PTPRO: variants seen among roughly 807,000 people sequenced by gnomAD.
PTPRO encodes the protein receptor-type tyrosine-protein phosphatase O.
PTPRO carries 62 observed loss-of-function variants against 145.2 expected under a neutral mutation model. That is an observed-to-expected ratio of 0.43 (90% CI 0.35 to 0.53). The LOEUF (loss-of-function observed/expected upper bound fraction) is 0.53, where lower values mean the gene tolerates loss of function less well. PTPRO is among the 20% of genes least tolerant of loss of function. The pLI, the probability that PTPRO is intolerant of heterozygous loss-of-function variation, is 0.01. For synonymous variants in PTPRO, 565 were observed against 514.7 expected (o/e 1.10, Z -1.32); for missense variants, 1,345 against 1,482.7 (o/e 0.91, Z 1.53).
At chr12:15,352,446 C>A (rs1937835647) in intron 1 of PTPRO, among the ~76,000 whole-genome samples, 1 of 152,016 alleles carries the variant, frequency 6.6e-6, no homozygotes, top group Non-Finnish European at 1.5e-5. Flanking sequence ...GTCAGGAGAT[C>A]TAGACCATCT....
At chr12:15,514,108 TCTCA>T (rs1476652066) in intron 7 of PTPRO, among the ~76,000 whole-genome samples, 1 of 152,136 alleles carries the variant, frequency 6.6e-6, no homozygotes, top group Non-Finnish European at 1.5e-5. Context: ...ATCTATACGT[TCTCA>T]CTATTTTTCT....
At chr12:15,544,506 C>CA (rs61249816) in intron 12 of PTPRO, among the ~76,000 whole-genome samples, 989 of 72,488 alleles carry the variant, frequency 0.014, 44 homozygotes, top group African/African-American at 0.039. Context: ...GACTCCATCT[C>CA]AAAAAAAAAA....
intron 1 of PTPRO, among the ~76,000 whole-genome samples, chr12:15,479,163 G>A (rs1052878375): frequency 2.6e-5 from 4 of 152,112 alleles, no homozygotes; most frequent in Non-Finnish European, 4.4e-5. Context: ...GGGGAAGAAG[G>A]CATCTGTTGC....
chr12:15,541,054 G>A (rs1943170564), intron 12 of PTPRO, among the ~76,000 whole-genome samples: 2 of 152,066 alleles, frequency 1.3e-5, no homozygotes, highest in South Asian at 4.1e-4. Context: ...TTATGAAAAT[G>A]GTATGTCTAT....
At chr12:15,387,209 CTCAGTGA>C (rs1254438690) in intron 1 of PTPRO, among the ~76,000 whole-genome samples, 1 of 152,198 alleles carries the variant, frequency 6.6e-6, no homozygotes, top group East Asian at 1.9e-4. Context: ...AATTCATTTA[CTCAGTGA>C]TCAGAATCTC....
chr12:15,444,764 G>A (rs1940859346), intron 1 of PTPRO, among the ~76,000 whole-genome samples: 1 of 152,048 alleles, frequency 6.6e-6, no homozygotes, highest in Non-Finnish European at 1.5e-5. Context: ...AAATCTAATA[G>A]TGCCTTGATC....
chr12:15,418,398 G>A (rs1318387197), intron 1 of PTPRO, among the ~76,000 whole-genome samples: 1 of 151,708 alleles, frequency 6.6e-6, no homozygotes, highest in East Asian at 1.9e-4. Context: ...TGAATGAAGT[G>A]CCTAGCTCAA....
intron 10 of PTPRO, among the ~76,000 whole-genome samples, chr12:15,520,919 G>A (rs1942705115): frequency 6.6e-6 from 1 of 152,036 alleles, no homozygotes; most frequent in Non-Finnish European, 1.5e-5. Context: ...TATTATATAA[G>A]CTACTTTGCA....
intron 1 of PTPRO, among the ~76,000 whole-genome samples, chr12:15,425,733 T>TTTTATATATA (rs71042250): frequency 6.6e-6 from 1 of 151,402 alleles, no homozygotes; most frequent in Non-Finnish European, 1.5e-5. Flanking sequence ...CAAAATAGAT[T>TTTTATATATA]CATGCATTTT....
intron 12 of PTPRO, among the ~76,000 whole-genome samples, chr12:15,535,704 C>T (rs1303812119): frequency 1.3e-5 from 2 of 152,170 alleles, no homozygotes; most frequent in African/African-American, 4.8e-5. Flanking sequence ...GGGGTGTGGC[C>T]TTTTTCCTTC....
chr12:15,492,549 A>T (rs1442513225), intron 2 of PTPRO, among the ~76,000 whole-genome samples: 2 of 152,218 alleles, frequency 1.3e-5, no homozygotes, highest in South Asian at 4.1e-4. Flanking sequence ...CTCAAAAAAA[A>T]TTTGCAGAAA....
intron 12 of PTPRO, among the ~76,000 whole-genome samples, chr12:15,528,517 T>C: frequency 8.2e-6 from 1 of 122,444 alleles, no homozygotes; most frequent in African/African-American, 3.2e-5. Context: ...AGAGCAAGAA[T>C]CTGTCAAAAA....
rs1375458883 is a variant in PTPRO, at chr12:15,444,559, G to A, written c.76-39415G>A. Among the ~76,000 whole-genome samples, 8 of 151,984 alleles carry A rather than the reference G, an allele frequency of 5.3e-5. 1 individual carries two copies. The Middle Eastern group carries it at 0.01, about 194-fold the overall frequency. On this transcript the variant is annotated intron_variant, in intron 1 of 26. Transcript: ENST00000281171. ...ATATACTTACTTTGTTACATATAACGCCATAGACAATTTATTCCCCTCCCC... is the reference window on the plus strand; with the variant it reads ...ATATACTTACTTTGTTACATATAACACCATAGACAATTTATTCCCCTCCCC...
chr12:15,481,386 C>G (rs1941775607), intron 1 of PTPRO, among the ~76,000 whole-genome samples: 1 of 152,226 alleles, frequency 6.6e-6, no homozygotes, highest in Non-Finnish European at 1.5e-5. Context: ...CACCACATAG[C>G]TGAAACCAAG....
At chr12:15,462,411 C>CCACCACA (rs1174360406) in intron 1 of PTPRO, among the ~76,000 whole-genome samples, 1 of 152,186 alleles carries the variant, frequency 6.6e-6, no homozygotes, top group East Asian at 1.9e-4. Flanking sequence ...TAGGTGTGAG[C>CCACCACA]CACCACACCT....
chr12:15,535,523 A>T (rs968345980), intron 12 of PTPRO, among the ~76,000 whole-genome samples: 3 of 152,250 alleles, frequency 2.0e-5, no homozygotes, highest in African/African-American at 7.2e-5. Flanking sequence ...CGAGATAAGG[A>T]ATCATATAAC....
chr12:15,499,814 C>A (rs1942181557), intron 4 of PTPRO, among the ~76,000 whole-genome samples: 1 of 151,934 alleles, frequency 6.6e-6, no homozygotes, highest in African/African-American at 2.4e-5. Context: ...GATTTCTAAT[C>A]TTTGAATAAA....
At chr12:15,336,146 TA>T (rs1364774292) in intron 1 of PTPRO, among the ~76,000 whole-genome samples, 1 of 152,034 alleles carries the variant, frequency 6.6e-6, no homozygotes, top group Non-Finnish European at 1.5e-5. Context: ...TCATCATTCC[TA>T]AACACTGCAT....
intron 1 of PTPRO, among the ~76,000 whole-genome samples, chr12:15,437,892 A>G (rs1256327759): frequency 1.3e-5 from 2 of 152,110 alleles, no homozygotes; most frequent in African/African-American, 4.8e-5. Context: ...CCCACCCTTT[A>G]TGGCTCCTAC....
Sources: allele counts gnomAD v4.1 joint callset (sites outside exome capture counted in the v4.1 genomes callset), GRCh38; gene constraint gnomAD v4.1.1; transcripts MANE v1.5; gene names NCBI Gene and HGNC (gene_info 2026-07-23, HGNC 2026-07-21).